Variants in USP12 observed in about 807,000 individuals in gnomAD.
USP12 encodes ubiquitin specific peptidase 12, also known as ubiquitin carboxyl-terminal hydrolase 12.
USP12 carries 19 observed loss-of-function variants against 45.5 expected under a neutral mutation model. That is an observed-to-expected ratio of 0.42 (90% CI 0.29 to 0.61). The LOEUF is 0.61. Among genes scored for constraint, USP12 ranks in the 20% least tolerant of loss-of-function variants. The probability of loss-of-function intolerance (pLI) is 0.22; values close to 1 mark genes in which losing one functional copy is unlikely to be tolerated. For synonymous variants in USP12, 149 were observed against 148.8 expected, an observed-to-expected ratio of 1.00 and a Z score of -0.01; for missense variants, 242 against 447.7, an observed-to-expected ratio of 0.54 and a Z score of 4.15.
intron 2 of USP12, among the ~76,000 whole-genome samples, chr13:27,109,561 C>T (rs977660383): frequency 2.0e-5 from 3 of 152,092 alleles, no homozygotes; most frequent in Admixed American, 6.6e-5. Context: ...AGAGACACAA[C>T]AATCAAATTG....
intron 4 of USP12, among the ~76,000 whole-genome samples, chr13:27,092,080 T>C (rs1400538207): frequency 1.3e-5 from 2 of 152,214 alleles, no homozygotes; most frequent in African/African-American, 2.4e-5. Context: ...TATGTCTTAC[T>C]CATCTTCTAC....
intron 2 of USP12, among the ~76,000 whole-genome samples, chr13:27,109,536 GT>G (rs143675862): frequency 0.02 from 3,043 of 152,256 alleles, 74 homozygotes; most frequent in African/African-American, 0.051. Flanking sequence ...TTGAAAAAAG[GT>G]TGAAAAGGAC....
intron 1 of USP12, among the ~76,000 whole-genome samples, chr13:27,162,580 T>C (rs1431806385): frequency 6.6e-6 from 1 of 152,200 alleles, no homozygotes; most frequent in Non-Finnish European, 1.5e-5. Context: ...CAAAATAAAA[T>C]TAATGCTTTT....
At chr13:27,155,659 AC>A (rs539576378) in intron 1 of USP12, among the ~76,000 whole-genome samples, 172 of 152,314 alleles carry the variant, frequency 1.1e-3, no homozygotes, top group Non-Finnish European at 1.6e-3. Flanking sequence ...CTGAGGCGGA[AC>A]ATATTAAAAA....
intron 8 of USP12, 101 bp from the exon 9 acceptor site, chr13:27,069,485 T>C: frequency 1.1e-6 from 1 of 888,686 alleles, no homozygotes; most frequent in Non-Finnish European, 1.8e-6. Flanking sequence ...GGTGAAAATG[T>C]GGGGAAAATG....
In USP12 at chr13:27,129,499, G is replaced by A. The variant is rs1876394332; in HGVS notation, c.49-12903C>T. On this transcript the variant is annotated intron_variant, in intron 1 of 8. Transcript: ENST00000282344. The surrounding 1 kb of genome is among the most constrained non-coding windows in gnomAD (Gnocchi z 4.0). ...AGCACTTTGGGAAGTCAGAGCAGGA[G>A]GACTGCTTAAGGCCCGGAGTTCTAG... is the stretch of plus-strand genomic sequence containing the variant. Among the ~76,000 whole-genome samples the A allele has an allele frequency of 1.3e-5, 2 of 152,144 alleles. No individual in the cohort carries two copies. The highest frequency in any genetic ancestry group is 1.5e-5 in the Non-Finnish European group (1 of 68,022).
chr13:27,080,558 C>T (rs115042109), intron 6 of USP12, among the ~76,000 whole-genome samples: 262 of 152,016 alleles, frequency 1.7e-3, no homozygotes, highest in African/African-American at 4.3e-3. Context: ...CAGGCACACA[C>T]GGAATAAAGG....
At chr13:27,121,644 G>A (rs371473805) in intron 1 of USP12, among the ~76,000 whole-genome samples, 21 of 151,706 alleles carry the variant, frequency 1.4e-4, no homozygotes, top group Admixed American at 3.9e-4. Flanking sequence ...GGTGGATCAC[G>A]AGGTCAGGAA....
chr13:27,125,650 G>C (rs1421382476), intron 1 of USP12, among the ~76,000 whole-genome samples: 2 of 152,226 alleles, frequency 1.3e-5, no homozygotes, highest in Non-Finnish European at 2.9e-5. Flanking sequence ...AGCAGGGTGG[G>C]GCGTCCCCTC....
At chr13:27,109,788 A>T (rs1469359566) in intron 2 of USP12, among the ~76,000 whole-genome samples, 8 of 151,824 alleles carry the variant, frequency 5.3e-5, no homozygotes, top group Non-Finnish European at 8.8e-5. Flanking sequence ...TTACTCCTGT[A>T]ATCCCAGCTA....
At chr13:27,161,894 A>T (rs981623848) in intron 1 of USP12, among the ~76,000 whole-genome samples, 7 of 123,154 alleles carry the variant, frequency 5.7e-5, no homozygotes, top group African/African-American at 1.8e-4. Context: ...AAAATAAAAA[A>T]AAATAAAAAA....
intron 1 of USP12, among the ~76,000 whole-genome samples, chr13:27,163,342 G>A (rs1002635980): frequency 3.9e-5 from 6 of 152,020 alleles, no homozygotes; most frequent in African/African-American, 1.4e-4. Flanking sequence ...ACCACCTACA[G>A]AGCCTAAGAG....
At chr13:27,097,695 C>T (rs1235847754) in intron 3 of USP12, among the ~76,000 whole-genome samples, 3 of 152,098 alleles carry the variant, frequency 2.0e-5, no homozygotes, top group African/African-American at 7.2e-5. Flanking sequence ...ACAGCAGTAC[C>T]TGTACCTCAC....
At chr13:27,070,823 G>A (rs910887196) in intron 8 of USP12, among the ~76,000 whole-genome samples, 3 of 152,164 alleles carry the variant, frequency 2.0e-5, no homozygotes, top group African/African-American at 7.2e-5. Context: ...CAAGTGCTGG[G>A]ATTACAGGCG....
intron 4 of USP12, among the ~76,000 whole-genome samples, chr13:27,091,277 C>T (rs1874301608): frequency 6.6e-6 from 1 of 152,200 alleles, no homozygotes; most frequent in African/African-American, 2.4e-5. Flanking sequence ...CCGGAATTTA[C>T]ATGTAAGCTA....
At chr13:27,086,185 AAAAAAAAAAAAAAT>A (rs1177859843) in intron 6 of USP12, among the ~76,000 whole-genome samples, 2 of 58,852 alleles carry the variant, frequency 3.4e-5, no homozygotes, top group African/African-American at 1.1e-4. Flanking sequence ...AAAAAAAAAA[AAAAAAAAAAAAAAT>A]ATATATATAT....
intron 1 of USP12, among the ~76,000 whole-genome samples, chr13:27,148,774 AG>A (rs1394707279): frequency 9.4e-6 from 1 of 106,050 alleles, no homozygotes; most frequent in Non-Finnish European, 2.2e-5. Context: ...TTAAAAAACC[AG>A]AATCACAGAA....
At chr13:27,143,008 G>A (rs966327041) in intron 1 of USP12, among the ~76,000 whole-genome samples, 15 of 151,658 alleles carry the variant, frequency 9.9e-5, no homozygotes, top group South Asian at 2.1e-4. Flanking sequence ...CAGGAGAATC[G>A]CTTGAACTGG....
intron 2 of USP12, among the ~76,000 whole-genome samples, chr13:27,111,772 T>C (rs1266906152): frequency 1.3e-5 from 2 of 152,216 alleles, no homozygotes; most frequent in African/African-American, 4.8e-5. Context: ...TTACACACTA[T>C]TATTTTCATG....
Sources: gnomAD v4.1 joint callset for allele counts (sites outside exome capture counted in the v4.1 genomes callset) on GRCh38, gnomAD v4.1.1 for gene constraint, Gnocchi (gnomAD v3.1) non-coding constraint, MANE v1.5 for transcripts, NCBI Gene and HGNC (gene_info 2026-07-23, HGNC 2026-07-21) for gene names.